Variants in TNFSF11 observed in about 807,000 individuals in gnomAD.
TNFSF11 encodes TNF superfamily member 11.
TNFSF11 carries 12 observed loss-of-function variants against 32.2 expected under a neutral mutation model. The ratio of observed to expected loss-of-function variants is 0.37; its 90% CI spans 0.24 to 0.60. The LOEUF is 0.60. Among genes scored for constraint, TNFSF11 ranks in the 20% least tolerant of loss-of-function variants. The pLI, the probability that TNFSF11 is intolerant of heterozygous loss-of-function variation, is 0.66. For synonymous variants in TNFSF11, 172 were observed against 152.1 expected (o/e 1.13, Z -0.96); for missense variants, 345 against 398.0 (o/e 0.87, Z 1.13).
chr13:42,599,557 T>C (rs1453267912), intron 2 of TNFSF11, among the ~76,000 whole-genome samples: 1 of 152,066 alleles, frequency 6.6e-6, no homozygotes, highest in Non-Finnish European at 1.5e-5. Flanking sequence ...GATATCTCTT[T>C]TGTTTTTTGT....
rs1004896743 is a variant in TNFSF11, at chr13:42,607,854, T to C, written c.*936T>C. Reference sequence around the variant, plus strand: ...GTGTTTTTCCACAAGTGCCGCAAATTGTACCTTTTTTGTTTTTTCAAAATA... The same window carrying C: ...GTGTTTTTCCACAAGTGCCGCAAATCGTACCTTTTTTGTTTTTTCAAAATA... On this transcript the variant is annotated 3_prime_UTR_variant, in exon 5 of 5. Coordinates refer to ENST00000398795, the MANE Select transcript of TNFSF11 (RefSeq NM_003701.4). The C allele has an allele frequency of 2.0e-5, 3 of 152,732 alleles. No homozygotes were observed. Among genetic ancestry groups the C allele is most frequent in the African/African-American group, 7.2e-5 (3 of 41,464 alleles). The allele number at this position is 152,732 out of a possible 1,614,324, so 9.5% of individuals were successfully genotyped here.
intron 2 of TNFSF11, among the ~76,000 whole-genome samples, chr13:42,595,626 T>A (rs1303825629): frequency 6.6e-6 from 1 of 152,226 alleles, no homozygotes; most frequent in Non-Finnish European, 1.5e-5. Flanking sequence ...TGCACTTCTC[T>A]ACGCAAATCT....
At position 42,607,344 on chromosome 13, in the gene TNFSF11, A is replaced by G. The variant is rs199737824; in HGVS notation, c.*426A>G. The G allele has an allele frequency of 2.2e-4, 35 of 156,714 alleles. No homozygotes were observed. The highest frequency in any genetic ancestry group is 8.4e-4 in the African/African-American group (35 of 41,680). 9.7% of individuals were successfully genotyped at this position (156,714 alleles called of 1,614,324 possible). ...TACATCATGCTGGAACCTGCAAAAA[A>G]TACTTTTTCTAATGAGGAGAGAAAA... On this transcript the variant is annotated 3_prime_UTR_variant, in exon 5 of 5. Coordinates refer to ENST00000398795, the MANE Select transcript of TNFSF11 (RefSeq NM_003701.4).
chr13:42,584,407 G>A (rs900319899), intron 2 of TNFSF11, among the ~76,000 whole-genome samples: 3 of 152,116 alleles, frequency 2.0e-5, no homozygotes, highest in African/African-American at 7.2e-5. Context: ...AGAGTACTTG[G>A]TAGCCAATTG....
intron 1 of TNFSF11, among the ~76,000 whole-genome samples, chr13:42,578,855 A>G (rs1873449846): frequency 6.6e-6 from 1 of 152,220 alleles, no homozygotes; most frequent in Admixed American, 6.5e-5. Context: ...GTATCTTTGT[A>G]CTAATTGATG....
At chr13:42,602,014 C>T (rs1444628766) in intron 4 of TNFSF11, among the ~76,000 whole-genome samples, 1 of 152,202 alleles carries the variant, frequency 6.6e-6, no homozygotes, top group Non-Finnish European at 1.5e-5. Context: ...AAGCAGGCCA[C>T]AAGGTACTTG....
rs1352387748 is a variant in TNFSF11, at chr13:42,600,752, GA to G, written c.390del (p.Glu130AspfsTer23). The G allele has an allele frequency of 6.2e-7, 1 of 1,612,964 alleles. No homozygotes were observed. Among genetic ancestry groups the G allele is most frequent in the Admixed American group, 1.7e-5 (1 of 59,996 alleles). On this transcript the variant is annotated frameshift_variant and splice_region_variant, in exon 3 of 5. Transcript: ENST00000398795. LOFTEE classifies it high-confidence loss of function. ...KQAFQGAVQK[E>X]LQHIVGSQHI... ...AAATTATTTTTCCTTTTTATTTCAG[GA>G]ATTACAACATATCGTTGGATCACAG...
At chr13:42,604,437 G>A (rs941324662) in intron 4 of TNFSF11, among the ~76,000 whole-genome samples, 1 of 152,230 alleles carries the variant, frequency 6.6e-6, no homozygotes, top group African/African-American at 2.4e-5. Context: ...AAGAGGGCCT[G>A]TGATGACCCC....
At chr13:42,588,538 T>C (rs1594469412) in intron 2 of TNFSF11, among the ~76,000 whole-genome samples, 1 of 152,268 alleles carries the variant, frequency 6.6e-6, no homozygotes, top group Middle Eastern at 3.4e-3. Flanking sequence ...TTGGAGAGCA[T>C]GACAGCAAGG....
At position 42,574,222 on chromosome 13, in the gene TNFSF11, G is replaced by T; in HGVS notation, c.-82G>T. 3 of 1,515,668 alleles carry T rather than the reference G, an allele frequency of 2.0e-6. No homozygotes were observed. The highest frequency in any genetic ancestry group is 3.9e-5 in the Admixed American group (2 of 50,736). The allele number at this position is 1,515,668 out of a possible 1,614,324, so 93.9% of individuals were successfully genotyped here. The stretch of plus-strand genomic sequence containing the variant: ...CGGCGCCCCACGTCGAGGCTCCGCC[G>T]CAGCCTCCGGAGTTGGCCGCAGACA... On this transcript the variant is annotated 5_prime_UTR_variant, in exon 1 of 5. Coordinates refer to ENST00000398795, the MANE Select transcript of TNFSF11 (RefSeq NM_003701.4).
At position 42,606,837 on chromosome 13, in the gene TNFSF11, C is replaced by T. The variant is rs1183664027; in HGVS notation, c.873C>T (p.Ile291=). 2.5e-6 allele frequency: 4 copies of T among 1,613,734 alleles called. No homozygotes were observed. The highest frequency in any genetic ancestry group is 2.2e-5 in the East Asian group (1 of 44,894). Residue 291 remains isoleucine, a synonymous_variant, in exon 5 of 5, where the codon ATC becomes ATT. Coordinates refer to ENST00000398795, the MANE Select transcript of TNFSF11 (RefSeq NM_003701.4). ...TACGGTCTGGAGAGGAAATCAGCATCGAGGTCTCCAACCCCTCCTTACTGG... is the reference window on the plus strand; with the variant it reads ...TACGGTCTGGAGAGGAAATCAGCATTGAGGTCTCCAACCCCTCCTTACTGG... ...FKLRSGEEIS[I]EVSNPSLLDP...
chr13:42,564,710 A>G (rs1345863620), intron 1 of TNFSF11, among the ~76,000 whole-genome samples: 2 of 152,238 alleles, frequency 1.3e-5, no homozygotes, highest in African/African-American at 2.4e-5. Context: ...AAAATTGTAT[A>G]CCAAGCATTG....
intron 2 of TNFSF11, among the ~76,000 whole-genome samples, chr13:42,587,597 G>C (rs1594468633): frequency 6.6e-6 from 1 of 152,316 alleles, no homozygotes; most frequent in East Asian, 1.9e-4. Flanking sequence ...AGATTCAACA[G>C]CATTCATCTT....
chr13:42,598,682 G>A (rs1001019926), intron 2 of TNFSF11, among the ~76,000 whole-genome samples: 1 of 152,206 alleles, frequency 6.6e-6, no homozygotes, highest in African/African-American at 2.4e-5. Flanking sequence ...CAATGGCTGG[G>A]AAACTGCTGA....
chr13:42,578,249 T>C (rs959353557), intron 1 of TNFSF11, among the ~76,000 whole-genome samples: 18 of 152,274 alleles, frequency 1.2e-4, no homozygotes, highest in South Asian at 4.1e-4. Flanking sequence ...TGCTAGTAGG[T>C]AGGTTGTTGG....
chr13:42,579,447 A>C (rs1460051222), intron 1 of TNFSF11, among the ~76,000 whole-genome samples: 1 of 151,208 alleles, frequency 6.6e-6, no homozygotes, highest in Non-Finnish European at 1.5e-5. Flanking sequence ...AGAAAAAGAG[A>C]AAGAAAAATA....
In TNFSF11 at chr13:42,574,338, T is replaced by C; in HGVS notation, c.35T>C (p.Leu12Pro). ...RRASRDYTKYLRGSEEMGGGP... is the reference protein window; with the variant it reads ...RRASRDYTKYPRGSEEMGGGP... The stretch of plus-strand genomic sequence containing the variant: ...GCCAGCAGAGACTACACCAAGTACC[T>C]GCGTGGCTCGGAGGAGATGGGCGGC... Residue 12 changes from leucine to proline, a missense_variant, in exon 1 of 5, where the codon CTG (leucine) becomes CCG (proline). By Grantham distance (98) the Leu-to-Pro change is moderately conservative (BLOSUM62 -3). This residue lies in a region of TNFSF11 where 197 missense variants were observed against 182.0 expected (regional missense o/e 1.08). Transcript: ENST00000398795. The C allele has an allele frequency of 6.5e-7, 1 of 1,545,996 alleles. No individual in the cohort carries two copies. Among genetic ancestry groups the C allele is most frequent in the Non-Finnish European group, 8.7e-7 (1 of 1,146,086 alleles).
intron 2 of TNFSF11, among the ~76,000 whole-genome samples, chr13:42,583,838 T>C (rs570753865): frequency 5.9e-5 from 9 of 151,938 alleles, no homozygotes; most frequent in Admixed American, 5.2e-4. Context: ...CACAAGAGAA[T>C]GAAATAAGAA....
At chr13:42,566,838 C>T (rs1872888224) in intron 2 of TNFSF11, 3 of 151,968 alleles carry the variant, frequency 2.0e-5, no homozygotes, top group Non-Finnish European at 2.9e-5. Flanking sequence ...AGTAAAAATA[C>T]AAAAATTAGC....
Sources: allele counts gnomAD v4.1 joint callset (sites outside exome capture counted in the v4.1 genomes callset), GRCh38; gene constraint gnomAD v4.1.1; regional missense constraint gnomAD v4.1.1; transcripts MANE v1.5; gene names NCBI Gene and HGNC (gene_info 2026-07-23, HGNC 2026-07-21).